The following PCDHGB3 variants were observed in gnomAD, a reference collection of about 807,000 sequenced individuals.
The protein encoded by PCDHGB3 is protocadherin gamma-B3.
PCDHGB3 carries 40 observed loss-of-function variants against 59.2 expected under a neutral mutation model. The ratio of observed to expected loss-of-function variants is 0.68; its 90% CI spans 0.52 to 0.88. The LOEUF (loss-of-function observed/expected upper bound fraction) is 0.88. PCDHGB3 is among the 40% of genes least tolerant of loss of function. The pLI is 0.00. For synonymous variants in PCDHGB3, 581 were observed against 503.6 expected (o/e 1.15, Z -2.06); for missense variants, 1,309 against 1,187.9 (o/e 1.10, Z -1.50).
At chr5:141,470,552 T>G (rs1303190360) in intron 1 of PCDHGB3, among the ~76,000 whole-genome samples, 1 of 151,966 alleles carries the variant, frequency 6.6e-6, no homozygotes, top group East Asian at 1.9e-4. Flanking sequence ...TTATTGAGAG[T>G]TTCCTCTGTG....
intron 1 of PCDHGB3, chr5:141,409,110 A>T: frequency 6.2e-7 from 1 of 1,614,060 alleles, no homozygotes; most frequent in Non-Finnish European, 8.5e-7. Context: ...ATGATTAAGA[A>T]TAACCAGTCA....
chr5:141,494,182 C>T (rs188628485), intron 1 of PCDHGB3, among the ~76,000 whole-genome samples: 132 of 152,244 alleles, frequency 8.7e-4, no homozygotes, highest in African/African-American at 3.1e-3. Flanking sequence ...AGAAGTGTCC[C>T]GGGACTTGGA....
chr5:141,490,454 CG>C lies in PCDHGB3; in HGVS notation c.2416-4352del. ...ATTAAGCCTTCTGAGAACCACTACT[CG>C]CTGCTAACCAGCCAGCCTTTGGACC... On this transcript the variant is annotated intron_variant, in intron 1 of 3. Coordinates refer to ENST00000576222, the MANE Select transcript of PCDHGB3 (RefSeq NM_018924.5). This position sits in a 1 kb window ranked among gnomAD's most constrained non-coding sequence, Gnocchi z 5.4. The C allele has an allele frequency of 1.2e-6, 2 of 1,614,176 alleles. No individual in the cohort carries two copies. Among genetic ancestry groups the C allele is most frequent in the Non-Finnish European group, 1.7e-6 (2 of 1,180,020 alleles).
intron 1 of PCDHGB3, among the ~76,000 whole-genome samples, chr5:141,401,929 G>C (rs2094209014): frequency 6.6e-6 from 1 of 152,122 alleles, no homozygotes; most frequent in Non-Finnish European, 1.5e-5. Context: ...GTGATGCTTA[G>C]AATAATGTTT....
intron 2 of PCDHGB3, among the ~76,000 whole-genome samples, chr5:141,504,579 G>T (rs994771989): frequency 2.0e-5 from 3 of 149,174 alleles, no homozygotes; most frequent in Non-Finnish European, 4.4e-5. Context: ...AACACCATCT[G>T]CCCAGGATTC....
At chr5:141,427,765 T>C (rs1331334394) in intron 1 of PCDHGB3, 3 of 1,387,170 alleles carry the variant, frequency 2.2e-6, no homozygotes, top group Non-Finnish European at 2.0e-6. Context: ...ACCACTGACT[T>C]GGAGCTGCGG....
chr5:141,372,365 C>T lies in PCDHGB3; in HGVS notation c.1971C>T (p.Thr657=), dbSNP rs777698721. The change falls in exon 1 of 4, where the codon ACC becomes ACT. Residue 657 remains threonine, a synonymous_variant. Coordinates refer to ENST00000576222, the MANE Select transcript of PCDHGB3 (RefSeq NM_018924.5). ...GAGGACAGCAGCCTCTTTCAGCCACCGTCATGCTGCACCTAATCTTCGCAG... is the reference window on the plus strand; with the variant it reads ...GAGGACAGCAGCCTCTTTCAGCCACTGTCATGCTGCACCTAATCTTCGCAG... ...RDGGQQPLSA[T]VMLHLIFADS... is the part of the protein sequence containing the mutation. 5.0e-6 allele frequency: 8 copies of T among 1,613,848 alleles called. No individual in the cohort carries two copies. The African/African-American group carries it at 6.7e-5, about 13-fold the overall frequency.
chr5:141,410,410 A>G, intron 1 of PCDHGB3: 1 of 1,613,986 alleles, frequency 6.2e-7, no homozygotes, highest in Non-Finnish European at 8.5e-7. Context: ...TCAAGTCTGG[A>G]CCTGTAGTTC....
chr5:141,491,114 C>T lies in PCDHGB3; in HGVS notation c.2416-3693C>T, dbSNP rs1240431232. 1 of 1,614,104 alleles carries T rather than the reference C, an allele frequency of 6.2e-7. No homozygotes were observed. Among genetic ancestry groups the T allele is most frequent in the Admixed American group, 1.7e-5 (1 of 60,012 alleles). ...GGACTGTTCCTCGTGTCTACACACA[C>T]TGGTGAGGTGCGCACAGCCCGGGCC... On this transcript the variant is annotated intron_variant, in intron 1 of 3. Transcript: ENST00000576222. The surrounding 1 kb of genome is among the most constrained non-coding windows in gnomAD (Gnocchi z 6.9).
intron 1 of PCDHGB3, chr5:141,492,069 C>A (rs1595083522): frequency 2.1e-6 from 1 of 475,880 alleles, no homozygotes; most frequent in East Asian, 3.3e-5. Context: ...GCCTCCTAGG[C>A]GCCGGCTCCG....
chr5:141,428,320 T>C (rs2097132935), intron 1 of PCDHGB3: 2 of 650,176 alleles, frequency 3.1e-6, no homozygotes, highest in Admixed American at 2.2e-5. Context: ...GGCCTTGGCC[T>C]TGATTTCTAT....
intron 1 of PCDHGB3, chr5:141,382,901 TGGC>T (rs1204971797): frequency 6.5e-7 from 1 of 1,543,194 alleles, no homozygotes; most frequent in African/African-American, 1.4e-5. Context: ...AGGACGACTA[TGGC>T]GGCTCAGCCG....
chr5:141,497,858 C>T (rs920483410), intron 2 of PCDHGB3, among the ~76,000 whole-genome samples: 3 of 152,218 alleles, frequency 2.0e-5, no homozygotes, highest in Non-Finnish European at 2.9e-5. Flanking sequence ...TTTGATTCAG[C>T]GGCTCCAAAG....
In PCDHGB3 at chr5:141,371,458, A is replaced by G; in HGVS notation, c.1064A>G (p.His355Arg). Residue 355 changes from histidine (H) to arginine (R), a missense_variant, in exon 1 of 4, where the codon CAT (histidine) becomes CGT (arginine). Physicochemically the swap from His to Arg is conservative, Grantham distance 29. Coordinates refer to ENST00000576222, the MANE Select transcript of PCDHGB3 (RefSeq NM_018924.5). ...ATAACCCTGGCTTCTGAATCCCAACATATACAAGAAGATGCTGAGCTGGGG... is the reference window on the plus strand; with the variant it reads ...ATAACCCTGGCTTCTGAATCCCAACGTATACAAGAAGATGCTGAGCTGGGG... ...PEITLASESQ[H>R]IQEDAELGTA... 1.2e-6 allele frequency: 2 copies of G among 1,613,996 alleles called. No homozygotes were observed.
intron 1 of PCDHGB3, chr5:141,409,866 G>A (rs1268327848): frequency 3.7e-6 from 6 of 1,612,258 alleles, no homozygotes; most frequent in East Asian, 4.5e-5. Context: ...GTGGGAGACC[G>A]CAATGACAAC....
chr5:141,478,801 T>G (rs2099477985), intron 1 of PCDHGB3: 1 of 1,463,438 alleles, frequency 6.8e-7, no homozygotes, highest in African/African-American at 1.4e-5. Flanking sequence ...TCAGCACTCT[T>G]TTGCTATCAC....
At position 141,374,771 on chromosome 5, in the gene PCDHGB3, G is replaced by A. The variant is rs1770825611; in HGVS notation, c.2415+1962G>A. 1 of 1,613,744 alleles carries A rather than the reference G, an allele frequency of 6.2e-7. No individual in the cohort carries two copies. The highest frequency in any genetic ancestry group is 8.5e-7 in the Non-Finnish European group (1 of 1,179,778). On this transcript the variant is annotated intron_variant, in intron 1 of 3. Transcript: ENST00000576222. ...CCGCTCAAGCGTCGCCCAAATTCTG[G>A]TAACAGTTCTAGATGTGAATGACAA...
intron 1 of PCDHGB3, among the ~76,000 whole-genome samples, chr5:141,469,232 A>AC (rs1350524557): frequency 2.0e-5 from 3 of 151,722 alleles, no homozygotes; most frequent in Non-Finnish European, 4.4e-5. Flanking sequence ...AGCCATGATC[A>AC]CCCCACTGCA....
Position 141,405,365 on chromosome 5 carries a change from C to T in PCDHGB3, c.2415+32556C>T, listed in dbSNP as rs773382376. 2.5e-6 allele frequency: 4 copies of T among 1,613,614 alleles called. No homozygotes were observed. The Admixed American group carries it at 5.0e-5, about 20-fold the overall frequency. On this transcript the variant is annotated intron_variant, in intron 1 of 3. Transcript: ENST00000576222. ...TTCCAAGTTTCCTATAGAAGACACC[C>T]CTTTGGTTCCGGTGAGTTCATTTTT...
Sources: allele counts gnomAD v4.1 joint callset (sites outside exome capture counted in the v4.1 genomes callset), GRCh38; gene constraint gnomAD v4.1.1; non-coding constraint Gnocchi (gnomAD v3.1); transcripts MANE v1.5; gene names NCBI Gene and HGNC (gene_info 2026-07-23, HGNC 2026-07-21).